The following TXNRD1 variants were observed in gnomAD, a reference collection of about 807,000 sequenced individuals.
TXNRD1 encodes the protein thioredoxin reductase 1.
Under a neutral mutation model 80.3 loss-of-function variants are expected in TXNRD1, and 57 were observed. The observed-to-expected ratio is 0.71, with a 90% CI of 0.57 to 0.89. TXNRD1 has a LOEUF of 0.89. Among genes scored for constraint, TXNRD1 ranks in the 40% least tolerant of loss-of-function variants. The pLI, the probability that TXNRD1 is intolerant of heterozygous loss-of-function variation, is 0.00. For missense variants in TXNRD1, 730 were observed against 803.0 expected (o/e 0.91, Z 1.10); for synonymous variants, 291 against 285.2 (o/e 1.02, Z -0.20).
chr12:104,249,895 C>T (rs1390324602), intron 1 of TXNRD1, among the ~76,000 whole-genome samples: 2 of 133,312 alleles, frequency 1.5e-5, no homozygotes, highest in East Asian at 2.2e-4. Context: ...GAGATCGTGC[C>T]ACTGTACTCC....
At chr12:104,223,532 A>T (rs192325678) in intron 1 of TXNRD1, among the ~76,000 whole-genome samples, 8 of 152,310 alleles carry the variant, frequency 5.3e-5, no homozygotes, top group African/African-American at 1.7e-4. Context: ...TAGAAATGTA[A>T]CACTGGACTA....
chr12:104,336,694 C>T (rs2036151006), intron 15 of TXNRD1, among the ~76,000 whole-genome samples: 1 of 152,148 alleles, frequency 6.6e-6, no homozygotes, highest in African/African-American at 2.4e-5. Flanking sequence ...ATCATATATG[C>T]AGTTTATAAC....
intron 4 of TXNRD1, chr12:104,304,379 T>A: frequency 6.2e-7 from 1 of 1,614,074 alleles, no homozygotes; most frequent in Non-Finnish European, 8.5e-7. Context: ...CATAGCTCTT[T>A]CCTTCTGGAA....
intron 4 of TXNRD1, among the ~76,000 whole-genome samples, chr12:104,299,519 A>G (rs1011114314): frequency 6.6e-6 from 1 of 152,194 alleles, no homozygotes; most frequent in Non-Finnish European, 1.5e-5. Flanking sequence ...ATGTAATCCC[A>G]GCATTTTGGG....
intron 1 of TXNRD1, among the ~76,000 whole-genome samples, chr12:104,238,376 CAAG>C (rs2135690752): frequency 1.3e-5 from 2 of 152,286 alleles, no homozygotes; most frequent in South Asian, 4.1e-4. Context: ...AAGCAAAACA[CAAG>C]TTAACTAAAT....
chr12:104,318,651 G>T (rs1382005408), intron 7 of TXNRD1, among the ~76,000 whole-genome samples: 2 of 152,160 alleles, frequency 1.3e-5, no homozygotes, highest in African/African-American at 4.8e-5. Context: ...TTCGTTTCTA[G>T]ATAAAGAAGG....
intron 1 of TXNRD1, among the ~76,000 whole-genome samples, chr12:104,234,681 G>T (rs941389026): frequency 8.6e-5 from 13 of 150,482 alleles, no homozygotes; most frequent in Non-Finnish European, 1.9e-4. Flanking sequence ...TTTAACTCAG[G>T]TATTTGACCT....
At chr12:104,319,897 C>T (rs1286836231) in intron 9 of TXNRD1, among the ~76,000 whole-genome samples, 2 of 152,148 alleles carry the variant, frequency 1.3e-5, no homozygotes, top group Non-Finnish European at 2.9e-5. Context: ...TGTAATAAAA[C>T]CAAATGGATA....
chr12:104,257,597 C>T (rs968486090), intron 2 of TXNRD1, among the ~76,000 whole-genome samples: 5 of 152,102 alleles, frequency 3.3e-5, no homozygotes, highest in East Asian at 3.9e-4. Context: ...TTAATAGAGA[C>T]GGGGTTTCCC....
In TXNRD1 at chr12:104,258,196, AG is replaced by A. The variant is rs2033296773; in HGVS notation, c.304+118del. 4.0e-6 allele frequency: 3 copies of A among 741,406 alleles called. No homozygotes were observed. In the East Asian group the frequency reaches 8.4e-5, roughly 21 times the overall value. 45.9% of individuals were successfully genotyped at this position (741,406 alleles called of 1,614,324 possible). On this transcript the variant is annotated intron_variant, in intron 3 of 16. Transcript: ENST00000525566. ...TTTTATTGTTTAGTGAGCACTTGCTAGCTGATTCTTCTTTTTGGTCTTTTAG... is the reference window on the plus strand; with the variant it reads ...TTTTATTGTTTAGTGAGCACTTGCTACTGATTCTTCTTTTTGGTCTTTTAG...
At position 104,339,229 on chromosome 12, in the gene TXNRD1, A is replaced by T; in HGVS notation, c.1837A>T (p.Lys613Ter). 1 of 1,613,988 alleles carries T rather than the reference A, an allele frequency of 6.2e-7. No individual in the cohort carries two copies. Among genetic ancestry groups the T allele is most frequent in the Non-Finnish European group, 8.5e-7 (1 of 1,179,876 alleles). Reference protein sequence around the residue: ...AAALKCGLTKKQLDSTIGIHP... With the variant: ...AAALKCGLTK Reference sequence around the variant, plus strand: ...TGCGCTCAAATGTGGACTGACCAAAAAGCAGCTGGACAGCACAATTGGAAT... The same window carrying T: ...TGCGCTCAAATGTGGACTGACCAAATAGCAGCTGGACAGCACAATTGGAAT... The change falls in exon 16 of 17, where the codon AAG (lysine) becomes TAG (stop). Residue 613 changes from lysine to a stop codon, truncating the protein, a stop_gained. Transcript: ENST00000525566. LOFTEE classifies it high-confidence loss of function.
At chr12:104,305,592 C>T (rs1263031973) in intron 4 of TXNRD1, among the ~76,000 whole-genome samples, 2 of 152,140 alleles carry the variant, frequency 1.3e-5, no homozygotes, top group Non-Finnish European at 2.9e-5. Context: ...ATAGCAAGGT[C>T]AAATGCATGG....
chr12:104,300,616 GT>G (rs2034589462), intron 4 of TXNRD1, among the ~76,000 whole-genome samples: 1 of 152,178 alleles, frequency 6.6e-6, no homozygotes, highest in African/African-American at 2.4e-5. Flanking sequence ...ATTGGGGAGA[GT>G]TATTGAACTT....
chr12:104,315,848 C>A lies in TXNRD1; in HGVS notation c.682C>A (p.Gln228Lys), dbSNP rs764395444. The change falls in exon 7 of 17, where the codon CAA (glutamine) becomes AAA (lysine). Residue 228 changes from glutamine to lysine, a missense_variant. Physicochemically the swap from Gln to Lys is moderately conservative, Grantham distance 53. Coordinates refer to ENST00000525566, the MANE Select transcript of TXNRD1 (RefSeq NM_001093771.3). ...KLMHQAALLG[Q>K]ALQDSRNYGW... ...GATGCATCAAGCAGCTTTGTTAGGA[C>A]AAGCCCTGCAAGACTCTCGAAATTA... 3 of 1,612,200 alleles carry A rather than the reference C, an allele frequency of 1.9e-6. No homozygotes were observed. Among genetic ancestry groups the A allele is most frequent in the East Asian group, 2.2e-5 (1 of 44,800 alleles).
At chr12:104,220,278 C>T (rs1219109739) in intron 1 of TXNRD1, among the ~76,000 whole-genome samples, 7 of 152,060 alleles carry the variant, frequency 4.6e-5, no homozygotes, top group African/African-American at 1.4e-4. Flanking sequence ...TTACACGATG[C>T]GCTAGATAAT....
chr12:104,306,253 A>G (rs376208114), intron 4 of TXNRD1, among the ~76,000 whole-genome samples: 2 of 152,282 alleles, frequency 1.3e-5, no homozygotes, highest in East Asian at 3.9e-4. Context: ...AAACTAAAAC[A>G]TGTTAGTTTA....
chr12:104,292,514 C>G (rs561327039), intron 4 of TXNRD1, among the ~76,000 whole-genome samples: 2 of 152,140 alleles, frequency 1.3e-5, no homozygotes, highest in South Asian at 4.1e-4. Flanking sequence ...CTGCCTCAGC[C>G]TCTCAAGTAG....
At position 104,349,198 on chromosome 12, in the gene TXNRD1, A is replaced by G. The variant is rs2036579788; in HGVS notation, c.*777A>G. ...ACCATTATTTGTCATGGAGGCAGACATACACCAGAAATGGGGGAGAAACAG... is the reference window on the plus strand; with the variant it reads ...ACCATTATTTGTCATGGAGGCAGACGTACACCAGAAATGGGGGAGAAACAG... On this transcript the variant is annotated 3_prime_UTR_variant, in exon 17 of 17. Coordinates refer to ENST00000525566, the MANE Select transcript of TXNRD1 (RefSeq NM_001093771.3). 1 of 152,254 alleles carries G rather than the reference A, an allele frequency of 6.6e-6. No homozygotes were observed. Among genetic ancestry groups the G allele is most frequent in the Non-Finnish European group, 1.5e-5 (1 of 68,046 alleles). The allele number at this position is 152,254 out of a possible 1,614,324, so 9.4% of individuals were successfully genotyped here.
chr12:104,240,875 T>C (rs2032843353), intron 1 of TXNRD1, among the ~76,000 whole-genome samples: 1 of 151,752 alleles, frequency 6.6e-6, no homozygotes, highest in Non-Finnish European at 1.5e-5. Context: ...CCTGAGTAGC[T>C]GGGACTACAG....
Sources: allele counts gnomAD v4.1 joint callset (sites outside exome capture counted in the v4.1 genomes callset), GRCh38; gene constraint gnomAD v4.1.1; transcripts MANE v1.5; gene names NCBI Gene and HGNC (gene_info 2026-07-23, HGNC 2026-07-21).